The following C10orf143 variants were observed in gnomAD, a reference collection of about 807,000 sequenced individuals.
The protein encoded by C10orf143 is uncharacterized protein C10orf143.
intron 1 of C10orf143, among the ~76,000 whole-genome samples, chr10:130,084,566 G>C (rs569026626): frequency 6.6e-6 from 1 of 152,204 alleles, no homozygotes; most frequent in East Asian, 1.9e-4. Context: ...CAGTGGTGTT[G>C]CATTAGAATT....
chr10:130,058,852 G>A lies in C10orf143; in HGVS notation c.297+20714C>T, dbSNP rs186501149. On this transcript the variant is annotated intron_variant and NMD_transcript_variant, in intron 3 of 5. Coordinates refer to the C10orf143 transcript ENST00000643056. ...TGAGATTTGACAAAATGATCCTAAA[G>A]TTGATCATACCCATGCAGGTGTACT... Among the ~76,000 whole-genome samples the A allele has an allele frequency of 1.7e-3, 256 of 152,048 alleles. 1 individual carries two copies. Among genetic ancestry groups the A allele is most frequent in the African/African-American group, 5.8e-3 (241 of 41,468 alleles).
At chr10:130,108,069 A>C in intron 1 of C10orf143, 2 of 1,491,448 alleles carry the variant, frequency 1.3e-6, no homozygotes. Context: ...AATATCCCTG[A>C]TTCATCTCTC....
At chr10:130,049,365 G>A (rs1300624446) in intron 3 of C10orf143, among the ~76,000 whole-genome samples, 2 of 152,186 alleles carry the variant, frequency 1.3e-5, no homozygotes, top group African/African-American at 4.8e-5. Flanking sequence ...GTGACTCTGT[G>A]GCTCATTTAT....
intron 1 of C10orf143, among the ~76,000 whole-genome samples, chr10:130,094,095 C>T (rs58730470): frequency 0.18 from 26,634 of 150,978 alleles, 2,767 homozygotes; most frequent in East Asian, 0.29. Context: ...ATACTATAAA[C>T]GGCTCTACAC....
At chr10:130,110,040 G>A (rs568737596) in intron 1 of C10orf143, among the ~76,000 whole-genome samples, 6 of 152,148 alleles carry the variant, frequency 3.9e-5, no homozygotes, top group East Asian at 1.9e-4. Flanking sequence ...CCCCTAAGAC[G>A]CTAAGCTCCT....
chr10:130,067,203 A>G (rs959135680), intron 3 of C10orf143: 3 of 152,088 alleles, frequency 2.0e-5, no homozygotes, highest in Non-Finnish European at 4.4e-5. Context: ...GCCACCACGC[A>G]TGAACTCCCT....
intron 1 of C10orf143, among the ~76,000 whole-genome samples, chr10:130,090,975 G>A (rs1269936217): frequency 6.6e-6 from 1 of 152,166 alleles, no homozygotes; most frequent in African/African-American, 2.4e-5. Context: ...AGGAGAAGGG[G>A]CAACTGTGGG....
At position 130,065,925 on chromosome 10, in the gene C10orf143, G is replaced by A. The variant is rs11017071; in HGVS notation, c.298-1542C>T. ...TGCCGTGGGGTGCGCAGACCCAGGA[G>A]GCAGCAGGCGTCTCTTAGGGAAGAG... On this transcript the variant is annotated intron_variant, in intron 3 of 3. Transcript: ENST00000637128. This position sits in a 1 kb window ranked among gnomAD's most constrained non-coding sequence, Gnocchi z 4.2. 10,454 of 152,166 alleles carry A rather than the reference G, an allele frequency of 0.069. 587 individuals carry two copies. The highest frequency in any genetic ancestry group is 0.23 in the East Asian group (1,197 of 5,164). The allele number at this position is 152,166 out of a possible 1,614,324, so 9.4% of individuals were successfully genotyped here. A position where few individuals can be genotyped will look rare whatever the true frequency, so the allele number is the denominator to read the frequency against.
At chr10:130,094,377 G>C (rs908001011) in intron 1 of C10orf143, among the ~76,000 whole-genome samples, 4 of 152,168 alleles carry the variant, frequency 2.6e-5, no homozygotes, top group Non-Finnish European at 5.9e-5. Flanking sequence ...CTCATTTTAT[G>C]AGGCCAGCAT....
At chr10:130,100,534 C>T (rs1479085258) in intron 1 of C10orf143, among the ~76,000 whole-genome samples, 1 of 151,800 alleles carries the variant, frequency 6.6e-6, no homozygotes, top group South Asian at 2.1e-4. Flanking sequence ...CAAAAACTGC[C>T]AAAGAACAGA....
At position 130,036,580 on chromosome 10, in the gene C10orf143, G is replaced by A. The variant is rs115494427; in HGVS notation, c.298-610C>T. ...CTGGAGCCTCCACCCTGAGAGAAGCGGCCCCCATCTCGCCAGCTGCCACCT... is the reference window on the plus strand; with the variant it reads ...CTGGAGCCTCCACCCTGAGAGAAGCAGCCCCCATCTCGCCAGCTGCCACCT... On this transcript the variant is annotated intron_variant and NMD_transcript_variant, in intron 3 of 5. Coordinates refer to the C10orf143 transcript ENST00000643056. Among the ~76,000 whole-genome samples the A allele has an allele frequency of 1.8e-3, 271 of 152,280 alleles. 1 individual carries two copies. Among genetic ancestry groups the A allele is most frequent in the African/African-American group, 6.3e-3 (263 of 41,552 alleles).
At chr10:130,107,463 A>G (rs1196818242) in intron 1 of C10orf143, 7 of 1,408,132 alleles carry the variant, frequency 5.0e-6, no homozygotes, top group South Asian at 1.2e-5. Context: ...AGAAACCTCA[A>G]TGATTTAAGG....
intron 3 of C10orf143, among the ~76,000 whole-genome samples, chr10:130,036,173 C>T (rs1860543085): frequency 6.6e-6 from 1 of 152,194 alleles, no homozygotes; most frequent in Admixed American, 6.5e-5. Flanking sequence ...ATAGAAACTC[C>T]ATGTTTCTCC....
chr10:130,073,310 G>C (rs1209325469), intron 3 of C10orf143, among the ~76,000 whole-genome samples: 1 of 152,258 alleles, frequency 6.6e-6, no homozygotes, highest in East Asian at 1.9e-4. Context: ...CTGTATGACT[G>C]AGATAAAATA....
chr10:130,057,660 T>G (rs1860810831), intron 3 of C10orf143, among the ~76,000 whole-genome samples: 1 of 152,072 alleles, frequency 6.6e-6, no homozygotes, highest in African/African-American at 2.4e-5. Context: ...CACAACAGGG[T>G]CAGCATGTGG....
At chr10:130,052,993 A>G (rs994661632) in intron 3 of C10orf143, among the ~76,000 whole-genome samples, 1 of 152,360 alleles carries the variant, frequency 6.6e-6, no homozygotes, top group Non-Finnish European at 1.5e-5. Context: ...TTGTGTATAC[A>G]GAGGAACTAT....
chr10:130,101,450 T>A (rs1200168295), intron 1 of C10orf143, among the ~76,000 whole-genome samples: 1 of 152,030 alleles, frequency 6.6e-6, no homozygotes, highest in African/African-American at 2.4e-5. Context: ...TGGCTGCAGC[T>A]CTTTCATTGG....
chr10:130,093,826 AG>A (rs1362032586), intron 1 of C10orf143, among the ~76,000 whole-genome samples: 5 of 151,970 alleles, frequency 3.3e-5, no homozygotes, highest in Admixed American at 6.6e-5. Context: ...TGGCTAACAC[AG>A]GTGAAACCCC....
intron 4 of C10orf143, among the ~76,000 whole-genome samples, chr10:130,035,481 G>T (rs1860534800): frequency 6.6e-6 from 1 of 152,230 alleles, no homozygotes; most frequent in Non-Finnish European, 1.5e-5. Context: ...GCCCTTCAGA[G>T]GCTGAGGACT....
Sources: gnomAD v4.1 joint callset for allele counts (sites outside exome capture counted in the v4.1 genomes callset) on GRCh38, gnomAD v4.1.1 for gene constraint, Gnocchi (gnomAD v3.1) non-coding constraint, MANE v1.5 for transcripts, NCBI Gene and HGNC (gene_info 2026-07-23, HGNC 2026-07-21) for gene names.